The following EPM2A variants were observed in gnomAD, a reference collection of about 807,000 sequenced individuals.
EPM2A encodes the protein laforin.
Under a neutral mutation model 26.5 loss-of-function variants are expected in EPM2A, and 21 were observed. The observed-to-expected ratio is 0.79, with a 90% CI of 0.56 to 1.14. The LOEUF is 1.14. Among genes scored for constraint, EPM2A ranks in the 50% most tolerant of loss-of-function variants. EPM2A has a pLI of 0.00. For missense variants in EPM2A, 458 were observed against 440.8 expected, an observed-to-expected ratio of 1.04 and a Z score of -0.35; for synonymous variants, 217 against 177.6, an observed-to-expected ratio of 1.22 and a Z score of -1.76.
Position 145,627,225 on chromosome 6 carries a change from T to C in EPM2A, c.*191A>G. On this transcript the variant is annotated 3_prime_UTR_variant, in exon 4 of 4. Coordinates refer to ENST00000367519, the MANE Select transcript of EPM2A (RefSeq NM_005670.4). ...TCTCATGTGTTGAGCCACAGCTTTC[T>C]TGTAGAGTATTTCAAAAATACAGCC... The C allele has an allele frequency of 6.8e-7, 1 of 1,476,432 alleles. No homozygotes were observed. Among genetic ancestry groups the C allele is most frequent in the Non-Finnish European group, 8.9e-7 (1 of 1,123,202 alleles). The allele number at this position is 1,476,432 out of a possible 1,614,324, so 91.5% of individuals were successfully genotyped here.
intron 4 of EPM2A, among the ~76,000 whole-genome samples, chr6:145,485,591 G>T (rs1779661421): frequency 6.6e-6 from 1 of 152,154 alleles, no homozygotes; most frequent in African/African-American, 2.4e-5. Context: ...TGAGGTGTTG[G>T]TCCTGGGACA....
intron 4 of EPM2A, among the ~76,000 whole-genome samples, chr6:145,388,921 C>T (rs990371829): frequency 9.9e-5 from 15 of 152,034 alleles, no homozygotes; most frequent in African/African-American, 3.6e-4. Flanking sequence ...CATTGATGGG[C>T]TTTTGGGTTG....
chr6:145,533,813 T>C (rs925502521), intron 2 of EPM2A, among the ~76,000 whole-genome samples: 1 of 152,178 alleles, frequency 6.6e-6, no homozygotes, highest in African/African-American at 2.4e-5. Context: ...ATCACTTATT[T>C]CTTTCTGAAT....
At chr6:145,541,212 C>T (rs1780505447) in intron 2 of EPM2A, among the ~76,000 whole-genome samples, 1 of 129,584 alleles carries the variant, frequency 7.7e-6, no homozygotes. Context: ...TGTGTGTGTA[C>T]CAAGTATATG....
chr6:145,434,336 C>T (rs1158785389), intron 4 of EPM2A, among the ~76,000 whole-genome samples: 4 of 151,310 alleles, frequency 2.6e-5, no homozygotes, highest in Non-Finnish European at 4.4e-5. Flanking sequence ...TCACAGCTGA[C>T]TGCTGCAGCT....
At chr6:145,447,992 A>C (rs1422794615) in intron 4 of EPM2A, among the ~76,000 whole-genome samples, 1 of 152,134 alleles carries the variant, frequency 6.6e-6, no homozygotes, top group Non-Finnish European at 1.5e-5. Flanking sequence ...TATTGGAATC[A>C]AAAAGATAAA....
At chr6:145,683,044 A>G (rs1284097764) in intron 2 of EPM2A, among the ~76,000 whole-genome samples, 1 of 152,208 alleles carries the variant, frequency 6.6e-6, no homozygotes, top group African/African-American at 2.4e-5. Flanking sequence ...TCAATTTAAT[A>G]ATGAAATATA....
At position 145,390,018 on chromosome 6, in the gene EPM2A, G is replaced by A. The variant is rs538983436; in HGVS notation, c.556-5921C>T. ...TTCCTGATAGACAGAACCAACAGGA[G>A]TGAAACAGAAACAGACAGAGAGAGA... On this transcript the variant is annotated intron_variant, in intron 4 of 4. Transcript: ENST00000638717. 2.0e-5 allele frequency among the ~76,000 whole-genome samples: 3 copies of A among 152,304 alleles called. No homozygotes were observed. In the South Asian group the frequency reaches 6.2e-4, roughly 32 times the overall value.
At chr6:145,385,671 C>A (rs887474000) in intron 4 of EPM2A, among the ~76,000 whole-genome samples, 4 of 152,086 alleles carry the variant, frequency 2.6e-5, no homozygotes, top group African/African-American at 9.7e-5. Context: ...GACGGTGTTT[C>A]TGTACACAGA....
At chr6:145,558,543 C>A (rs1780761982) in intron 2 of EPM2A, among the ~76,000 whole-genome samples, 1 of 152,018 alleles carries the variant, frequency 6.6e-6, no homozygotes, top group African/African-American at 2.4e-5. Context: ...TACACTCCAA[C>A]CAACAGTGTA....
intron 1 of EPM2A, among the ~76,000 whole-genome samples, chr6:145,730,935 A>G (rs1208190528): frequency 6.6e-6 from 1 of 152,174 alleles, no homozygotes; most frequent in Non-Finnish European, 1.5e-5. Context: ...ACCCCTTCCC[A>G]TCACCAACAT....
rs768115766 is a variant in EPM2A at position 145,401,362 on chromosome 6, C to T, written c.556-17265G>A. The stretch of plus-strand genomic sequence containing the variant: ...GTGATCTCTCTGTTAAGGTCTGGTG[C>T]CTAGAATGGCAAAGAGTGTTCCTTG... On this transcript the variant is annotated intron_variant, in intron 4 of 4. Transcript: ENST00000638717. 3.9e-5 allele frequency among the ~76,000 whole-genome samples: 6 copies of T among 152,060 alleles called. 1 individual carries two copies. In the East Asian group the frequency reaches 1.2e-3, roughly 29 times the overall value.
chr6:145,518,590 T>G (rs1780160451), intron 2 of EPM2A, among the ~76,000 whole-genome samples: 2 of 88,360 alleles, frequency 2.3e-5, no homozygotes, highest in African/African-American at 5.0e-5. Flanking sequence ...TTGTGTGAAA[T>G]GCACCAAAAA....
intron 2 of EPM2A, among the ~76,000 whole-genome samples, chr6:145,651,215 T>C (rs371039771): frequency 7.9e-5 from 12 of 152,224 alleles, no homozygotes; most frequent in East Asian, 5.8e-4. Context: ...AGAGGAAATA[T>C]AATTTAGTGT....
chr6:145,687,268 A>G (rs1317146356), intron 1 of EPM2A, among the ~76,000 whole-genome samples: 1 of 151,808 alleles, frequency 6.6e-6, no homozygotes, highest in East Asian at 1.9e-4. Context: ...ACCATGTGAG[A>G]ACACAGCAAG....
At chr6:145,501,770 C>A (rs768152130) in exon 4 of EPM2A, 25 of 470,954 alleles carry the variant, frequency 5.3e-5, no homozygotes, top group South Asian at 3.9e-4. Flanking sequence ...CTGCCATCTT[C>A]TACGAGATAT....
chr6:145,473,312 GA>G (rs938825223), intron 4 of EPM2A, among the ~76,000 whole-genome samples: 28 of 142,580 alleles, frequency 2.0e-4, no homozygotes, highest in Admixed American at 7.0e-4. Context: ...TCAAGCAGAA[GA>G]AAAAAAAAAT....
chr6:145,435,866 T>TG lies in EPM2A; in HGVS notation c.556-51770_556-51769insC, dbSNP rs372471860. Among the ~76,000 whole-genome samples, 1,512 of 152,282 alleles carry TG rather than the reference T, an allele frequency of 9.9e-3. 24 individuals are homozygous for TG. The highest frequency in any genetic ancestry group is 0.035 in the African/African-American group (1,447 of 41,546). Reference sequence around the variant, plus strand: ...TTGTGCTAAAAATATAGAGAGTTTTTTATACCCCTGTGCACACACATACAT... The same window carrying TG: ...TTGTGCTAAAAATATAGAGAGTTTTTGTATACCCCTGTGCACACACATACAT... On this transcript the variant is annotated intron_variant, in intron 4 of 4. Transcript: ENST00000638717.
intron 4 of EPM2A, among the ~76,000 whole-genome samples, chr6:145,430,019 A>G (rs2114691118): frequency 6.6e-6 from 1 of 151,920 alleles, no homozygotes; most frequent in South Asian, 2.1e-4. Context: ...CAACCTGGTG[A>G]AACCTCTACT....
Sources: gnomAD v4.1 joint callset for allele counts (sites outside exome capture counted in the v4.1 genomes callset) on GRCh38, gnomAD v4.1.1 for gene constraint, MANE v1.5 for transcripts, NCBI Gene and HGNC (gene_info 2026-07-23, HGNC 2026-07-21) for gene names.